RO60: variants seen among roughly 807,000 people sequenced by gnomAD.
The protein encoded by RO60 is RNA-binding protein RO60.
Under a neutral mutation model 55.3 loss-of-function variants are expected in RO60, and 20 were observed. The observed-to-expected ratio is 0.36, with a 90% CI of 0.25 to 0.53. RO60 has a LOEUF of 0.53. Ranked by LOEUF, RO60 falls within the 20% of genes least tolerant of loss-of-function variation. The pLI, the probability that RO60 is intolerant of heterozygous loss-of-function variation, is 0.92. For synonymous variants in RO60, 213 were observed against 213.6 expected (o/e 1.00, Z 0.02); for missense variants, 558 against 646.6 (o/e 0.86, Z 1.49).
downstream of RO60, chr1:193,091,563 A>T (rs1160951039): frequency 1.8e-6 from 2 of 1,105,220 alleles, no homozygotes; most frequent in Non-Finnish European, 2.7e-6. Flanking sequence ...TTTCTAATAG[A>T]GAATGAATGA....
Position 193,076,943 on chromosome 1 carries a change from G to A in RO60, c.979G>A (p.Ala327Thr), listed in dbSNP as rs200326552. 28 of 1,610,986 alleles carry A rather than the reference G, an allele frequency of 1.7e-5. No homozygotes were observed. Among genetic ancestry groups the A allele is most frequent in the Admixed American group, 1.3e-4 (8 of 59,712 alleles). The change falls in exon 5 of 9, where the codon GCA (alanine) becomes ACA (threonine). Residue 327 changes from alanine to threonine, a missense_variant. Transcript: ENST00000400968. ...ARIHPFHILIALETYKTGHGL... is the reference protein window; with the variant it reads ...ARIHPFHILITLETYKTGHGL... ...TATACATCCATTTCATATTTTGATC[G>A]CATTAGAAACTTACAAGACAGGTCA...
At position 193,090,206 on chromosome 1, in the gene RO60, T is replaced by G. The variant is rs1179496416; in HGVS notation, c.*5475T>G. 1.3e-5 allele frequency: 2 copies of G among 152,150 alleles called. No individual in the cohort carries two copies. Among genetic ancestry groups the G allele is most frequent in the Admixed American group, 1.3e-4 (2 of 15,260 alleles). 9.4% of individuals were successfully genotyped at this position (152,150 alleles called of 1,614,324 possible). On this transcript the variant is annotated 3_prime_UTR_variant, in exon 9 of 9. Coordinates refer to ENST00000400968, the MANE Select transcript of RO60 (RefSeq NM_001173524.2). ...TTAGCTATATGTCTGCTGGTTTCAC[T>G]TCGATGTGGATATGGATATGTGGAT... is the stretch of plus-strand genomic sequence containing the variant.
intron 2 of RO60, among the ~76,000 whole-genome samples, chr1:193,073,984 AGT>A: frequency 6.8e-6 from 1 of 148,032 alleles, no homozygotes; most frequent in East Asian, 2.0e-4. Context: ...GAGAACATGC[AGT>A]GTTTCGTTTT....
chr1:193,076,535 C>G lies in RO60; in HGVS notation c.836C>G (p.Thr279Ser), dbSNP rs769624364. 27 of 1,612,090 alleles carry G rather than the reference C, an allele frequency of 1.7e-5. No homozygotes were observed. In the South Asian group the frequency reaches 2.8e-4, roughly 16 times the overall value. ...WKALLQEMPL[T>S]ALLRNLGKMT... Reference sequence around the variant, plus strand: ...GCTTTGTTACAAGAAATGCCGCTTACTGCATTACTAAGGAATCTAGGAAAG... The same window carrying G: ...GCTTTGTTACAAGAAATGCCGCTTAGTGCATTACTAAGGAATCTAGGAAAG... Residue 279 changes from threonine to serine, a missense_variant, in exon 4 of 9, where the codon ACT (threonine) becomes AGT (serine). Physicochemically the swap from Thr to Ser is moderately conservative, Grantham distance 58 (BLOSUM62 1). Transcript: ENST00000400968.
At chr1:193,066,222 C>T (rs1187452399) in intron 1 of RO60, among the ~76,000 whole-genome samples, 1 of 152,230 alleles carries the variant, frequency 6.6e-6, no homozygotes, top group Non-Finnish European at 1.5e-5. Flanking sequence ...AGTTATCCCC[C>T]TTCTCTACTG....
rs370182804 is a variant in RO60 at position 193,070,387 on chromosome 1, A to G, written c.580+753A>G. On this transcript the variant is annotated intron_variant, in intron 2 of 8. Transcript: ENST00000400968. ...TAATAACTTGGGGCAGTTTTTCTGT[A>G]TCTATGGAAAGAGACTTTTGAAAAG... Among the ~76,000 whole-genome samples the G allele has an allele frequency of 5.6e-4, 85 of 152,332 alleles. 1 individual carries two copies. The South Asian group carries it at 0.012, about 21-fold the overall frequency.
intron 1 of RO60, among the ~76,000 whole-genome samples, chr1:193,065,837 A>T (rs2103023717): frequency 6.6e-6 from 1 of 152,304 alleles, no homozygotes. Flanking sequence ...AAGCAAATTT[A>T]TACTAGCGTC....
Position 193,082,220 on chromosome 1 carries a change from T to C in RO60, c.1238T>C (p.Val413Ala). The C allele has an allele frequency of 6.2e-7, 1 of 1,613,328 alleles. No homozygotes were observed. The highest frequency in any genetic ancestry group is 8.5e-7 in the Non-Finnish European group (1 of 1,179,652). The change falls in exon 7 of 9, where the codon GTT becomes GCT. Residue 413 changes from valine to alanine, a missense_variant. Val to Ala is a moderately conservative substitution (Grantham distance 64, BLOSUM62 0). Transcript: ENST00000400968. ...CGAACAGAAAAAGATTCTTATGTAGTTGCTTTTTCCGATGAAATGGTACCA... is the reference window on the plus strand; with the variant it reads ...CGAACAGAAAAAGATTCTTATGTAGCTGCTTTTTCCGATGAAATGGTACCA... ...VTRTEKDSYV[V>A]AFSDEMVPCP...
chr1:193,076,823 A>G, intron 4 of RO60, 90 bp from the exon 5 acceptor site: 1 of 1,401,772 alleles, frequency 7.1e-7, no homozygotes, highest in South Asian at 1.4e-5. Context: ...TCTATATGAA[A>G]TGTAGTTATT....
rs754341071 is a variant in RO60, at chr1:193,076,995, G to A, written c.1031G>A (p.Arg344His). 1.7e-5 allele frequency: 28 copies of A among 1,612,856 alleles called. No homozygotes were observed. Among genetic ancestry groups the A allele is most frequent in the Middle Eastern group, 1.7e-4 (1 of 6,056 alleles). The change falls in exon 5 of 9, where the codon CGC becomes CAC. Residue 344 changes from arginine to histidine, a missense_variant. Arg to His is a conservative substitution (Grantham distance 29, BLOSUM62 0). Coordinates refer to ENST00000400968, the MANE Select transcript of RO60 (RefSeq NM_001173524.2). ...GHGLRGKLKWRPDEEILKALD... is the reference protein window; with the variant it reads ...GHGLRGKLKWHPDEEILKALD... ...GGTCTCAGAGGGAAACTGAAGTGGCGCCCTGATGAAGAAATTTTGAAAGCA... is the reference window on the plus strand; with the variant it reads ...GGTCTCAGAGGGAAACTGAAGTGGCACCCTGATGAAGAAATTTTGAAAGCA...
At chr1:193,068,902 A>G in intron 1 of RO60, 132 bp from the exon 2 acceptor site, 1 of 636,904 alleles carries the variant, frequency 1.6e-6, no homozygotes, top group Non-Finnish European at 2.6e-6. Context: ...GTACTAAGGG[A>G]AAAACTATGG....
At chr1:193,073,521 ACT>A (rs1328686996) in intron 2 of RO60, among the ~76,000 whole-genome samples, 1 of 152,058 alleles carries the variant, frequency 6.6e-6, no homozygotes, top group Non-Finnish European at 1.5e-5. Flanking sequence ...GTCAGGGCAC[ACT>A]CTGTTCAGTC....
chr1:193,084,447 T>G, intron 8 of RO60, 132 bp from the exon 9 acceptor site: 2 of 1,042,334 alleles, frequency 1.9e-6, no homozygotes, highest in South Asian at 3.5e-5. Flanking sequence ...CTTAAAAGAT[T>G]GACCCCCGCA....
chr1:193,082,780 T>C (rs1674403666), intron 8 of RO60, 72 bp downstream of exon 8: 5 of 1,260,784 alleles, frequency 4.0e-6, no homozygotes, highest in Non-Finnish European at 5.4e-6. Flanking sequence ...TTTTTTTTTT[T>C]TGGAGACAGG....
chr1:193,086,457 CCT>C lies in RO60; in HGVS notation c.*1727_*1728del, dbSNP rs1413523240. 6.6e-6 allele frequency: 1 copy of C among 151,950 alleles called. No individual in the cohort carries two copies. The highest frequency in any genetic ancestry group is 6.6e-5 in the Admixed American group (1 of 15,254). The allele number at this position is 151,950 out of a possible 1,614,324, so 9.4% of individuals were successfully genotyped here. ...TTCTGATGTTGTTCACGTTTTTAAC[CCT>C]GTCAAGCATTGAACTGAATATATTA... On this transcript the variant is annotated 3_prime_UTR_variant, in exon 9 of 9. Transcript: ENST00000400968.
At chr1:193,062,178 A>G (rs757788323) in intron 1 of RO60, among the ~76,000 whole-genome samples, 23 of 152,152 alleles carry the variant, frequency 1.5e-4, no homozygotes, top group Admixed American at 5.9e-4. Context: ...ACAACACTTG[A>G]TTATCCAGGA....
In RO60 at chr1:193,076,824, T is replaced by A. The variant is rs1020251074; in HGVS notation, c.949-89T>A. On this transcript the variant is annotated intron_variant, in intron 4 of 8. Transcript: ENST00000400968. Reference sequence around the variant, plus strand: ...TCATTTTTCTCTTTTCTATATGAAATGTAGTTATTAGCTACAATAACACAA... The same window carrying A: ...TCATTTTTCTCTTTTCTATATGAAAAGTAGTTATTAGCTACAATAACACAA... 182 of 1,409,418 alleles carry A rather than the reference T, an allele frequency of 1.3e-4. 2 individuals are homozygous for A. The Middle Eastern group carries it at 4.5e-3, about 35-fold the overall frequency. The allele number at this position is 1,409,418 out of a possible 1,614,324, so 87.3% of individuals were successfully genotyped here.
At chr1:193,069,668 G>A (rs747277892) in intron 2 of RO60, 34 bp downstream of exon 2, 4 of 1,523,972 alleles carry the variant, frequency 2.6e-6, no homozygotes, top group Non-Finnish European at 3.6e-6. Context: ...AAGAAGGGTG[G>A]GTAAGGGATA....
intron 7 of RO60, 93 bp downstream of exon 7, chr1:193,082,392 A>G (rs1674373930): frequency 1.5e-6 from 2 of 1,349,642 alleles, no homozygotes; most frequent in South Asian, 1.3e-5. Context: ...TTAATCTGTG[A>G]GAACAAAATT....
Sources: allele counts gnomAD v4.1 joint callset (sites outside exome capture counted in the v4.1 genomes callset), GRCh38; gene constraint gnomAD v4.1.1; transcripts MANE v1.5; gene names NCBI Gene and HGNC (gene_info 2026-07-23, HGNC 2026-07-21).